The following CNTNAP2 variants were observed in gnomAD, a reference collection of about 807,000 sequenced individuals.
CNTNAP2 encodes the protein contactin associated protein 2, also known as contactin-associated protein-like 2.
Under a neutral mutation model 155.2 loss-of-function variants are expected in CNTNAP2, and 98 were observed. The observed-to-expected ratio is 0.63, with a 90% CI of 0.54 to 0.75. CNTNAP2 has a LOEUF of 0.75. Ranked by LOEUF, CNTNAP2 falls within the 30% of genes least tolerant of loss-of-function variation. The pLI is 0.00. For missense variants in CNTNAP2, 1,727 were observed against 1,688.1 expected (o/e 1.02, Z -0.40); for synonymous variants, 651 against 631.2 (o/e 1.03, Z -0.47).
At chr7:147,646,846 AC>A (rs1310572947) in intron 13 of CNTNAP2, among the ~76,000 whole-genome samples, 1 of 152,226 alleles carries the variant, frequency 6.6e-6, no homozygotes, top group Non-Finnish European at 1.5e-5. Flanking sequence ...AGCAAAGATC[AC>A]GTGGACTTAT....
At chr7:146,817,924 A>C in intron 2 of CNTNAP2, among the ~76,000 whole-genome samples, 1 of 152,214 alleles carries the variant, frequency 6.6e-6, no homozygotes, top group East Asian at 1.9e-4. Context: ...AAAATAAGCC[A>C]ACTAGAAATT....
At chr7:147,434,501 T>C (rs2116535166) in intron 10 of CNTNAP2, among the ~76,000 whole-genome samples, 1 of 152,318 alleles carries the variant, frequency 6.6e-6, no homozygotes, top group African/African-American at 2.4e-5. Flanking sequence ...CTAGCACTTT[T>C]CCGAAGGAAA....
chr7:148,307,214 C>G (rs997030618), intron 21 of CNTNAP2, among the ~76,000 whole-genome samples: 5 of 152,148 alleles, frequency 3.3e-5, no homozygotes, highest in African/African-American at 4.8e-5. Context: ...GTCTCTGTGT[C>G]CTTCCCAGAG....
rs569866294 is a variant in CNTNAP2 at position 147,046,588 on chromosome 7, TG to T, written c.550+2541del. On this transcript the variant is annotated intron_variant, in intron 4 of 23. Coordinates refer to ENST00000361727, the MANE Select transcript of CNTNAP2 (RefSeq NM_014141.6). Reference sequence around the variant, plus strand: ...AAAATGTTTCCAATGGGTATAGACTTGGGGGGGTAATAACAAACTAGCATAT... The same window carrying T: ...AAAATGTTTCCAATGGGTATAGACTTGGGGGGTAATAACAAACTAGCATAT... Among the ~76,000 whole-genome samples, 805 of 152,156 alleles carry T rather than the reference TG, an allele frequency of 5.3e-3. 2 individuals are homozygous for T. Among genetic ancestry groups the T allele is most frequent in the African/African-American group, 0.018 (767 of 41,516 alleles).
intron 10 of CNTNAP2, among the ~76,000 whole-genome samples, chr7:147,426,293 T>C (rs1797376494): frequency 6.6e-6 from 1 of 152,112 alleles, no homozygotes; most frequent in African/African-American, 2.4e-5. Context: ...AGTTGTGATT[T>C]CATTATTAAA....
chr7:148,173,899 G>T (rs1794880466), intron 18 of CNTNAP2, among the ~76,000 whole-genome samples: 1 of 152,172 alleles, frequency 6.6e-6, no homozygotes, highest in Non-Finnish European at 1.5e-5. Context: ...CCAGTTTAAA[G>T]AAAATCACCA....
chr7:147,867,065 A>G (rs1799242519), intron 13 of CNTNAP2, among the ~76,000 whole-genome samples: 1 of 152,158 alleles, frequency 6.6e-6, no homozygotes. Context: ...ACCACTTGGC[A>G]TGTTTTTGTA....
At chr7:146,649,721 C>T (rs1185572257) in intron 1 of CNTNAP2, among the ~76,000 whole-genome samples, 1 of 152,088 alleles carries the variant, frequency 6.6e-6, no homozygotes, top group Non-Finnish European at 1.5e-5. Context: ...TTATTTTAGT[C>T]TAAATTTCCA....
At chr7:146,185,882 G>A (rs1356362599) in intron 1 of CNTNAP2, among the ~76,000 whole-genome samples, 2 of 149,078 alleles carry the variant, frequency 1.3e-5, no homozygotes, top group Admixed American at 1.4e-4. Context: ...TAAATATTCT[G>A]TCTGGAGTAT....
chr7:147,759,143 C>T (rs879585106), intron 13 of CNTNAP2, among the ~76,000 whole-genome samples: 6 of 152,148 alleles, frequency 3.9e-5, no homozygotes, highest in Admixed American at 2.0e-4. Context: ...TTCAGTCCCT[C>T]CTCCCATGCG....
chr7:147,440,251 G>C (rs985517499), intron 10 of CNTNAP2, among the ~76,000 whole-genome samples: 1 of 151,296 alleles, frequency 6.6e-6, no homozygotes, highest in Non-Finnish European at 1.5e-5. Flanking sequence ...TTTACTTCTG[G>C]TTATAATGAG....
At chr7:146,591,346 CA>C (rs1798779576) in intron 1 of CNTNAP2, among the ~76,000 whole-genome samples, 1 of 144,184 alleles carries the variant, frequency 6.9e-6, no homozygotes, top group Admixed American at 6.9e-5. Context: ...CAGAAGAAAA[CA>C]ATAGGTTCTT....
At chr7:146,629,896 A>G (rs954714791) in intron 1 of CNTNAP2, among the ~76,000 whole-genome samples, 1 of 152,178 alleles carries the variant, frequency 6.6e-6, no homozygotes. Context: ...ATTGTATTGC[A>G]TTAGCCTTCA....
intron 1 of CNTNAP2, chr7:146,311,835 A>G (rs1406307176): frequency 6.6e-6 from 1 of 151,200 alleles, no homozygotes; most frequent in African/African-American, 2.4e-5. Flanking sequence ...ATATATATAT[A>G]TTAGATTTTA....
At chr7:146,449,406 A>G (rs984778016) in intron 1 of CNTNAP2, among the ~76,000 whole-genome samples, 5 of 152,006 alleles carry the variant, frequency 3.3e-5, no homozygotes, top group Non-Finnish European at 7.4e-5. Flanking sequence ...TTCTCTCTAT[A>G]AGAAAATATA....
intron 14 of CNTNAP2, among the ~76,000 whole-genome samples, chr7:147,934,666 T>C (rs1242020970): frequency 6.6e-6 from 1 of 152,220 alleles, no homozygotes. Flanking sequence ...ATTACAAACA[T>C]GATCACCAGC....
At chr7:146,356,967 C>T (rs974436037) in intron 1 of CNTNAP2, among the ~76,000 whole-genome samples, 1 of 152,164 alleles carries the variant, frequency 6.6e-6, no homozygotes, top group Admixed American at 6.5e-5. Context: ...GTATTTCCCT[C>T]ATCTCATCAA....
intron 13 of CNTNAP2, among the ~76,000 whole-genome samples, chr7:147,816,882 AC>A (rs780715990): frequency 2.0e-5 from 3 of 152,194 alleles, no homozygotes; most frequent in South Asian, 4.1e-4. Context: ...CAATAGAGGG[AC>A]TAGGTTTTCA....
chr7:148,180,297 T>TAGA (rs1346614351), intron 18 of CNTNAP2, among the ~76,000 whole-genome samples: 1 of 152,188 alleles, frequency 6.6e-6, no homozygotes, highest in African/African-American at 2.4e-5. Context: ...GGAACAAGAA[T>TAGA]AGAACCCTTT....
Sources: allele counts gnomAD v4.1 joint callset (sites outside exome capture counted in the v4.1 genomes callset), GRCh38; gene constraint gnomAD v4.1.1; transcripts MANE v1.5; gene names NCBI Gene and HGNC (gene_info 2026-07-23, HGNC 2026-07-21).